Variants in TMOD3 observed in about 807,000 individuals in gnomAD.
TMOD3 encodes the protein tropomodulin 3.
TMOD3 carries 20 observed loss-of-function variants against 39.2 expected under a neutral mutation model. That is an observed-to-expected ratio of 0.51 (90% CI 0.36 to 0.74). TMOD3 has a LOEUF of 0.74. TMOD3 is among the 30% of genes least tolerant of loss of function. TMOD3 has a pLI of 0.00. For synonymous variants in TMOD3, 143 were observed against 145.8 expected (o/e 0.98, Z 0.14); for missense variants, 381 against 412.8 (o/e 0.92, Z 0.67).
At chr15:51,853,185 T>A (rs1567263912) in intron 1 of TMOD3, among the ~76,000 whole-genome samples, 1 of 152,160 alleles carries the variant, frequency 6.6e-6, no homozygotes, top group African/African-American at 2.4e-5. Flanking sequence ...AATTGGATGA[T>A]GAAATATTGC....
At chr15:51,875,858 T>G (rs1285723637) in intron 3 of TMOD3, among the ~76,000 whole-genome samples, 1 of 152,122 alleles carries the variant, frequency 6.6e-6, no homozygotes, top group Non-Finnish European at 1.5e-5. Context: ...GACCTCGTGA[T>G]CCACCCACCT....
chr15:51,843,893 G>GTT (rs5812570), intron 1 of TMOD3, among the ~76,000 whole-genome samples: 6,113 of 148,068 alleles, frequency 0.041, 156 homozygotes, highest in Non-Finnish European at 0.052. Flanking sequence ...CAGATTGCTA[G>GTT]TTTTTTTTTT....
chr15:51,912,482 G>A lies in TMOD3; in HGVS notation c.*3672G>A, dbSNP rs907512010. ...AAATGTTACTCATATCATATTGTAC[G>A]TTATATTTAACTCTTGCTGTCATTA... On this transcript the variant is annotated 3_prime_UTR_variant, in exon 10 of 10. Transcript: ENST00000308580. 8.0e-5 allele frequency: 12 copies of A among 150,444 alleles called. No homozygotes were observed. Among genetic ancestry groups the A allele is most frequent in the African/African-American group, 2.9e-4 (12 of 40,812 alleles). The allele number at this position is 150,444 out of a possible 1,614,324, so 9.3% of individuals were successfully genotyped here. A position where few individuals can be genotyped will look rare whatever the true frequency, so the allele number is the denominator to read the frequency against.
intron 1 of TMOD3, among the ~76,000 whole-genome samples, chr15:51,852,262 G>A (rs760336517): frequency 6.6e-6 from 1 of 152,100 alleles, no homozygotes; most frequent in Non-Finnish European, 1.5e-5. Flanking sequence ...CTCTGATCTG[G>A]TGGGTTGTGG....
intron 3 of TMOD3, among the ~76,000 whole-genome samples, chr15:51,879,723 A>G (rs966388554): frequency 3.9e-5 from 6 of 152,046 alleles, no homozygotes; most frequent in East Asian, 1.9e-4. Flanking sequence ...AGCTTTTTCA[A>G]AAATACTCAT....
intron 1 of TMOD3, among the ~76,000 whole-genome samples, chr15:51,840,731 A>AT (rs1239040506): frequency 6.6e-6 from 1 of 152,060 alleles, no homozygotes; most frequent in Non-Finnish European, 1.5e-5. Context: ...TTTAGAATTC[A>AT]TTTTTTTGCA....
At chr15:51,891,999 T>C (rs2056595884) in intron 5 of TMOD3, among the ~76,000 whole-genome samples, 1 of 152,212 alleles carries the variant, frequency 6.6e-6, no homozygotes, top group Non-Finnish European at 1.5e-5. Context: ...CCAGACTAAA[T>C]ATATTCAGAT....
At chr15:51,839,165 C>CA (rs2056301100) in intron 1 of TMOD3, among the ~76,000 whole-genome samples, 1 of 108,970 alleles carries the variant, frequency 9.2e-6, no homozygotes, top group African/African-American at 3.1e-5. Flanking sequence ...GTGTATCTCT[C>CA]TTTTTTTTTT....
chr15:51,895,066 T>G (rs1202036878), intron 6 of TMOD3, among the ~76,000 whole-genome samples: 1 of 152,104 alleles, frequency 6.6e-6, no homozygotes, highest in Non-Finnish European at 1.5e-5. Flanking sequence ...TAAAACTTGA[T>G]TTTTTTGAAG....
At chr15:51,880,870 A>G (rs1010832315) in intron 3 of TMOD3, among the ~76,000 whole-genome samples, 7 of 152,120 alleles carry the variant, frequency 4.6e-5, no homozygotes, top group Non-Finnish European at 8.8e-5. Flanking sequence ...TAAGGTAACT[A>G]TTTTTTAACA....
At chr15:51,872,734 G>C (rs1442444159) in intron 3 of TMOD3, among the ~76,000 whole-genome samples, 1 of 151,798 alleles carries the variant, frequency 6.6e-6, no homozygotes, top group Non-Finnish European at 1.5e-5. Flanking sequence ...AGAGTAGCTA[G>C]GACTACAGGC....
intron 1 of TMOD3, among the ~76,000 whole-genome samples, chr15:51,833,891 A>G (rs1377732352): frequency 6.6e-6 from 1 of 152,186 alleles, no homozygotes; most frequent in Non-Finnish European, 1.5e-5. Flanking sequence ...ACAGTTCTCC[A>G]AAGTGGTTTA....
chr15:51,905,930 A>G (rs2623265), intron 9 of TMOD3, among the ~76,000 whole-genome samples: 52,363 of 129,988 alleles, frequency 0.4, 11,043 homozygotes, highest in Admixed American at 0.49. Flanking sequence ...CGGCCTGGGC[A>G]ACAGAGCGAG....
intron 9 of TMOD3, among the ~76,000 whole-genome samples, chr15:51,902,823 T>G (rs1331332498): frequency 6.6e-6 from 1 of 152,062 alleles, no homozygotes; most frequent in Non-Finnish European, 1.5e-5. Flanking sequence ...CTAATTTTTT[T>G]TGTATTTTTA....
chr15:51,832,203 T>TTTTATATATATATATATATATATATA (rs371264278), intron 1 of TMOD3, among the ~76,000 whole-genome samples: 2 of 79,350 alleles, frequency 2.5e-5, no homozygotes, highest in African/African-American at 4.1e-5. Flanking sequence ...AGAAAAAAAA[T>TTTTATATATATATATATATATATATA]TATATATATA....
intron 2 of TMOD3, among the ~76,000 whole-genome samples, chr15:51,865,204 C>T (rs916666177): frequency 6.6e-6 from 1 of 152,076 alleles, no homozygotes; most frequent in African/African-American, 2.4e-5. Flanking sequence ...GTTACCCAGA[C>T]TGAAAAACAT....
chr15:51,837,989 GA>G (rs1432288203), intron 1 of TMOD3, among the ~76,000 whole-genome samples: 1 of 152,194 alleles, frequency 6.6e-6, no homozygotes, highest in Non-Finnish European at 1.5e-5. Context: ...GAAAGGATTT[GA>G]ACATGAGAAA....
chr15:51,904,607 T>C (rs2056668706), intron 9 of TMOD3, among the ~76,000 whole-genome samples: 2 of 152,202 alleles, frequency 1.3e-5, no homozygotes, highest in African/African-American at 4.8e-5. Context: ...CTCCAGGAGC[T>C]GTACAGTGAA....
At chr15:51,890,038 A>C (rs1416375233) in intron 5 of TMOD3, among the ~76,000 whole-genome samples, 1 of 152,020 alleles carries the variant, frequency 6.6e-6, no homozygotes, top group East Asian at 1.9e-4. Context: ...TTTTGTATAT[A>C]CCCTTCCAGG....
Sources: allele counts gnomAD v4.1 joint callset (sites outside exome capture counted in the v4.1 genomes callset), GRCh38; gene constraint gnomAD v4.1.1; transcripts MANE v1.5; gene names NCBI Gene and HGNC (gene_info 2026-07-23, HGNC 2026-07-21).